SDS: variants seen among roughly 807,000 people sequenced by gnomAD.
The protein encoded by SDS is serine dehydratase, also known as L-serine dehydratase/L-threonine deaminase.
SDS carries 19 observed loss-of-function variants against 29.3 expected under a neutral mutation model. That is an observed-to-expected ratio of 0.65 (90% CI 0.45 to 0.95). The LOEUF is 0.95. Ranked by LOEUF, SDS falls within the 40% of genes least tolerant of loss-of-function variation. The pLI, the probability that SDS is intolerant of heterozygous loss-of-function variation, is 0.00. For synonymous variants in SDS, 176 were observed against 189.0 expected, an observed-to-expected ratio of 0.93 and a Z score of 0.56; for missense variants, 375 against 439.9, an observed-to-expected ratio of 0.85 and a Z score of 1.32.
At chr12:113,400,386 T>A (rs1957677512) in intron 1 of SDS, among the ~76,000 whole-genome samples, 1 of 151,160 alleles carries the variant, frequency 6.6e-6, no homozygotes, top group Non-Finnish European at 1.5e-5. Context: ...GGGAGGAGCA[T>A]CACTTGAACC....
chr12:113,399,010 G>C (rs1957667314), intron 3 of SDS, 102 bp downstream of exon 3: 1 of 1,568,952 alleles, frequency 6.4e-7, no homozygotes, highest in African/African-American at 1.4e-5. Context: ...TGCTGCCATT[G>C]TTTTCAGTGG....
intron 6 of SDS, among the ~76,000 whole-genome samples, chr12:113,396,034 G>A (rs566881723): frequency 6.6e-6 from 1 of 152,226 alleles, no homozygotes; most frequent in Non-Finnish European, 1.5e-5. Flanking sequence ...GGGAGGCAGA[G>A]GTTGCGGTGA....
At chr12:113,398,654 C>T (rs764992967) in intron 4 of SDS, 48 bp from the exon 5 acceptor site, 3 of 1,606,140 alleles carry the variant, frequency 1.9e-6, no homozygotes, top group Non-Finnish European at 2.6e-6. Context: ...CAGGGGGCAC[C>T]CTGTCCAGCC....
rs1018584054 is a variant in SDS at position 113,397,506 on chromosome 12, A to C, written c.426-114T>G. On this transcript the variant is annotated intron_variant, in intron 5 of 7. Coordinates refer to ENST00000257549, the MANE Select transcript of SDS (RefSeq NM_006843.3). ...GGGGCCTGGAGCTAGTTCCCTCCCC[A>C]CCCCCAACCTTGGCTTCTAGCTGCC... 3 of 841,310 alleles carry C rather than the reference A, an allele frequency of 3.6e-6. No homozygotes were observed. In the South Asian group the frequency reaches 5.4e-5, roughly 15 times the overall value. The allele number at this position is 841,310 out of a possible 1,614,324, so 52.1% of individuals were successfully genotyped here.
intron 6 of SDS, among the ~76,000 whole-genome samples, chr12:113,396,486 T>TCTTTCTTTC (rs10624677): frequency 0.86 from 109,356 of 126,582 alleles, 48,490 homozygotes; most frequent in Non-Finnish European, 0.91. Flanking sequence ...TCTTTCTCTC[T>TCTTTCTTTC]CTTTCTTTCC....
chr12:113,397,688 G>C (rs939353135), intron 5 of SDS, among the ~76,000 whole-genome samples: 1 of 152,170 alleles, frequency 6.6e-6, no homozygotes, highest in East Asian at 1.9e-4. Context: ...GGAAACTGCT[G>C]TGCGCCTTCT....
Position 113,400,397 on chromosome 12 carries a change from G to C in SDS, c.-2-687C>G, listed in dbSNP as rs191957068. 1.5e-3 allele frequency among the ~76,000 whole-genome samples: 234 copies of C among 151,786 alleles called. 1 individual carries two copies. The highest frequency in any genetic ancestry group is 2.7e-3 in the Non-Finnish European group (186 of 67,956). On this transcript the variant is annotated intron_variant, in intron 1 of 7. Coordinates refer to ENST00000257549, the MANE Select transcript of SDS (RefSeq NM_006843.3). The stretch of plus-strand genomic sequence containing the variant: ...CTGAGGGAGGAGCATCACTTGAACC[G>C]AGGAGGTGGAGGTTGTAATGGGCCA...
In SDS at chr12:113,399,664, G is replaced by C. The variant is rs764726430; in HGVS notation, c.45C>G (p.Asp15Glu). 3.1e-6 allele frequency: 5 copies of C among 1,598,794 alleles called. No homozygotes were observed. The African/African-American group carries it at 6.7e-5, about 21-fold the overall frequency. Residue 15 changes from aspartate (D) to glutamate (E), a missense_variant, in exon 2 of 8, where the codon GAC (aspartate) becomes GAG (glutamate). By Grantham distance (45) the Asp-to-Glu change is conservative. Transcript: ENST00000257549. Reference sequence around the variant, plus strand: ...CGGCCATTTTGGACAGGGCCATGCTGTCACGGATGGGGGTCTTCACGTGCA... The same window carrying C: ...CGGCCATTTTGGACAGGGCCATGCTCTCACGGATGGGGGTCTTCACGTGCA... ...EPLHVKTPIR[D>E]SMALSKMAGT...
Position 113,397,188 on chromosome 12 carries a change from A to G in SDS, c.630T>C (p.Leu210=). The change falls in exon 6 of 8, where the codon CTT becomes CTC. Residue 210 remains leucine (L), a synonymous_variant. Transcript: ENST00000257549. ...ACCTGGTGATCTTGGGCAGGGAGACAAGTTTGCCTGCGGTGGTGGCAGCGT... is the reference window on the plus strand; with the variant it reads ...ACCTGGTGATCTTGGGCAGGGAGACGAGTTTGCCTGCGGTGGTGGCAGCGT... ...SFHAATTAGK[L]VSLPKITSVA... is the part of the protein sequence containing the mutation. 6.2e-7 allele frequency: 1 copy of G among 1,614,210 alleles called. No homozygotes were observed. The highest frequency in any genetic ancestry group is 8.5e-7 in the Non-Finnish European group (1 of 1,180,026).
intron 1 of SDS, among the ~76,000 whole-genome samples, chr12:113,400,490 GTCTA>G (rs981075907): frequency 7.3e-5 from 11 of 150,460 alleles, no homozygotes; most frequent in African/African-American, 2.4e-5. Flanking sequence ...AAAAAGAATA[GTCTA>G]TCTATCTATG....
chr12:113,395,998 C>A (rs1957641584), intron 6 of SDS, among the ~76,000 whole-genome samples: 1 of 152,216 alleles, frequency 6.6e-6, no homozygotes, highest in African/African-American at 2.4e-5. Context: ...ACTCCTGAGG[C>A]TGAGGCAGGA....
chr12:113,398,596 T>A lies in SDS; in HGVS notation c.344A>T (p.Glu115Val), dbSNP rs1229320378. ...TVKVVGELLD[E>V]AFELAKALAK... ...TAGGGCCTTGGCCAGCTCGAAGGCT[T>A]CATCCAATAACTGCAAAGCCACAGG... The change falls in exon 5 of 8, where the codon GAA becomes GTA. Residue 115 changes from glutamate to valine, a missense_variant. Glu to Val is a moderately radical substitution (Grantham distance 121). Coordinates refer to ENST00000257549, the MANE Select transcript of SDS (RefSeq NM_006843.3). The A allele has an allele frequency of 1.3e-6, 2 of 1,595,362 alleles. No individual in the cohort carries two copies. The highest frequency in any genetic ancestry group is 4.5e-5 in the East Asian group (2 of 44,530).
At chr12:113,397,659 C>T (rs1385849661) in intron 5 of SDS, among the ~76,000 whole-genome samples, 1 of 152,230 alleles carries the variant, frequency 6.6e-6, no homozygotes, top group Non-Finnish European at 1.5e-5. Flanking sequence ...AACTCCCCTG[C>T]TCCTTCTCCC....
intron 1 of SDS, 83 bp downstream of exon 1, chr12:113,403,685 A>G (rs527931462): frequency 6.6e-6 from 1 of 152,312 alleles, no homozygotes; most frequent in South Asian, 2.1e-4. Context: ...GACTCTTTCT[A>G]TGTCTCCCTC....
chr12:113,399,679 C>T lies in SDS; in HGVS notation c.30G>A (p.Lys10=). The part of the protein sequence containing the change: MMSGEPLHV[K]TPIRDSMALS... ...GGGCCATGCTGTCACGGATGGGGGT[C>T]TTCACGTGCAGGGGTTCTCCAGACA... Residue 10 remains lysine, a synonymous_variant, in exon 2 of 8, where the codon AAG becomes AAA. Coordinates refer to ENST00000257549, the MANE Select transcript of SDS (RefSeq NM_006843.3). The T allele has an allele frequency of 6.3e-7, 1 of 1,596,374 alleles. No individual in the cohort carries two copies. The highest frequency in any genetic ancestry group is 8.5e-7 in the Non-Finnish European group (1 of 1,173,342).
rs1333323300 is a variant in SDS, at chr12:113,397,271, C to A, written c.547G>T (p.Val183Leu). 6.2e-7 allele frequency: 1 copy of A among 1,614,220 alleles called. No homozygotes were observed. The highest frequency in any genetic ancestry group is 2.2e-5 in the East Asian group (1 of 44,892). The change falls in exon 6 of 8, where the codon GTG becomes TTG. Residue 183 changes from valine to leucine, a missense_variant. Transcript: ENST00000257549. ...LCGVVQGLQE[V>L]GWGDVPVIAM... is the part of the protein sequence containing the mutation. Reference sequence around the variant, plus strand: ...ATGACAGGCACGTCCCCCCAGCCCACCTCCTGCAGCCCCTGGACCACTCCA... The same window carrying A: ...ATGACAGGCACGTCCCCCCAGCCCAACTCCTGCAGCCCCTGGACCACTCCA...
intron 6 of SDS, 105 bp downstream of exon 6, chr12:113,397,060 C>T: frequency 9.6e-7 from 1 of 1,038,246 alleles, no homozygotes; most frequent in Non-Finnish European, 1.4e-6. Flanking sequence ...CCTCCATTGT[C>T]TCATCTGTGA....
chr12:113,401,513 T>G (rs969398121), intron 1 of SDS, among the ~76,000 whole-genome samples: 1 of 152,168 alleles, frequency 6.6e-6, no homozygotes, highest in Non-Finnish European at 1.5e-5. Flanking sequence ...ATTACAGGCA[T>G]GAGCCACAGC....
At chr12:113,402,862 G>A (rs1053769308) in intron 1 of SDS, among the ~76,000 whole-genome samples, 1 of 152,202 alleles carries the variant, frequency 6.6e-6, no homozygotes, top group African/African-American at 2.4e-5. Context: ...AGAAGAGGTT[G>A]TGCCCGGGGA....
Sources: gnomAD v4.1 joint callset for allele counts (sites outside exome capture counted in the v4.1 genomes callset) on GRCh38, gnomAD v4.1.1 for gene constraint, MANE v1.5 for transcripts, NCBI Gene and HGNC (gene_info 2026-07-23, HGNC 2026-07-21) for gene names.